Variants in TMEM209 observed in about 807,000 individuals in gnomAD.
The protein encoded by TMEM209 is testicular tissue protein Li 202.
In TMEM209, 65 loss-of-function variants were observed where a neutral mutation model predicts 76.2. That is an observed-to-expected ratio of 0.85 (90% CI 0.70 to 1.05). The LOEUF is 1.05. TMEM209 is among the 50% of genes least tolerant of loss of function. TMEM209 has a pLI of 0.00. For missense variants in TMEM209, 623 were observed against 685.5 expected (o/e 0.91, Z 1.02); for synonymous variants, 239 against 237.6 (o/e 1.01, Z -0.06).
intron 11 of TMEM209, among the ~76,000 whole-genome samples, chr7:130,174,188 G>A (rs1309797689): frequency 6.6e-6 from 1 of 152,102 alleles, no homozygotes; most frequent in African/African-American, 2.4e-5. Flanking sequence ...ACAAAGATAA[G>A]GAATTCACTA....
intron 6 of TMEM209, among the ~76,000 whole-genome samples, chr7:130,186,562 A>G (rs542439609): frequency 5.3e-4 from 80 of 152,380 alleles, no homozygotes; most frequent in African/African-American, 1.7e-3. Context: ...AACAGAGCAT[A>G]AAGTTATCCT....
chr7:130,181,849 AAG>A (rs1347099447), intron 8 of TMEM209, 130 bp from the exon 9 acceptor site: 1 of 669,558 alleles, frequency 1.5e-6, no homozygotes, highest in Non-Finnish European at 2.5e-6. Flanking sequence ...AAGAATCATA[AAG>A]TATAGTGAAA....
chr7:130,167,126 C>A (rs1245060852), intron 14 of TMEM209, among the ~76,000 whole-genome samples: 1 of 152,032 alleles, frequency 6.6e-6, no homozygotes, highest in Non-Finnish European at 1.5e-5. Context: ...GAGCTGTATA[C>A]CTCTATTATT....
At chr7:130,186,781 T>TCACCAC (rs891761630) in intron 6 of TMEM209, among the ~76,000 whole-genome samples, 1 of 151,458 alleles carries the variant, frequency 6.6e-6, no homozygotes, top group Non-Finnish European at 1.5e-5. Context: ...AACACCACCA[T>TCACCAC]CACCACCACC....
rs751509545 is a variant in TMEM209 at position 130,204,126 on chromosome 7, A to ATTCCTGGTAAT, written c.4-17_4-16insATTACCAGGAA. 1.0e-5 allele frequency: 16 copies of ATTCCTGGTAAT among 1,595,968 alleles called. No individual in the cohort carries two copies. The South Asian group carries it at 1.6e-4, about 16-fold the overall frequency. On this transcript the variant is annotated splice_polypyrimidine_tract_variant and intron_variant, in intron 1 of 14. Coordinates refer to ENST00000397622, the MANE Select transcript of TMEM209 (RefSeq NM_032842.4). ...CCCCCTGCATCTATGAAAAAACAAA[A>ATTCCTGGTAAT]AGCACAGGAATTAACCAGAAGAAAC... is the stretch of plus-strand genomic sequence containing the variant.
rs1194955415 is a variant in TMEM209, at chr7:130,185,314, G to C, written c.829C>G (p.Arg277Gly). 1 of 1,613,834 alleles carries C rather than the reference G, an allele frequency of 6.2e-7. No individual in the cohort carries two copies. The highest frequency in any genetic ancestry group is 8.5e-7 in the Non-Finnish European group (1 of 1,179,872). Residue 277 changes from arginine to glycine, a missense_variant, in exon 7 of 15, where the codon CGT becomes GGT. Physicochemically the swap from Arg to Gly is moderately radical, Grantham distance 125. Transcript: ENST00000397622. ...SSSPTFWNYSRSMGDYAQTLK... is the reference protein window; with the variant it reads ...SSSPTFWNYSGSMGDYAQTLK... ...GTTTGTGCATAATCCCCCATAGAACGACTATAGTTCCAGAAAGTAGGACTG... is the reference window on the plus strand; with the variant it reads ...GTTTGTGCATAATCCCCCATAGAACCACTATAGTTCCAGAAAGTAGGACTG...
intron 8 of TMEM209, among the ~76,000 whole-genome samples, chr7:130,182,600 T>C (rs7788429): frequency 0.011 from 1,691 of 152,312 alleles, 40 homozygotes; most frequent in African/African-American, 0.039. Context: ...CCATGGCTAA[T>C]ATAAAACTAA....
At chr7:130,189,903 G>A (rs776789519) in intron 6 of TMEM209, among the ~76,000 whole-genome samples, 5 of 152,128 alleles carry the variant, frequency 3.3e-5, no homozygotes, top group Non-Finnish European at 7.3e-5. Flanking sequence ...TCCATTAAAA[G>A]GAATCAGGGC....
rs367746679 is a variant in TMEM209, at chr7:130,192,791, C to T, written c.606G>A (p.Pro202=). ...CCACTGGTCCAACAGTGGTAGGGTA[C>T]GGAGAAGGAGGAGAGGGGCTAAAGC... ...LASFSPSPPS[P]YPTTVGPVES... is the part of the protein sequence containing the mutation. Residue 202 remains proline, a synonymous_variant, in exon 6 of 15, where the codon CCG becomes CCA. Coordinates refer to ENST00000397622, the MANE Select transcript of TMEM209 (RefSeq NM_032842.4). 5 of 1,613,672 alleles carry T rather than the reference C, an allele frequency of 3.1e-6. No individual in the cohort carries two copies. Among genetic ancestry groups the T allele is most frequent in the Admixed American group, 1.7e-5 (1 of 59,982 alleles).
Position 130,205,389 on chromosome 7 carries a change from A to G in TMEM209, c.-14T>C. On this transcript the variant is annotated 5_prime_UTR_variant, in exon 1 of 15. Transcript: ENST00000397622. Reference sequence around the variant, plus strand: ...AAAACGCACCATGTCCTCTGGCCGGAAAACGCAGGCTCGCGCCACTCTCTC... The same window carrying G: ...AAAACGCACCATGTCCTCTGGCCGGGAAACGCAGGCTCGCGCCACTCTCTC... 1.2e-6 allele frequency: 2 copies of G among 1,613,918 alleles called. No homozygotes were observed. Among genetic ancestry groups the G allele is most frequent in the Non-Finnish European group, 1.7e-6 (2 of 1,179,900 alleles).
At chr7:130,172,615 A>G (rs896486110) in intron 13 of TMEM209, among the ~76,000 whole-genome samples, 13 of 152,186 alleles carry the variant, frequency 8.5e-5, no homozygotes, top group Non-Finnish European at 1.9e-4. Flanking sequence ...AGTAGTATTT[A>G]TAATAAAAAA....
intron 3 of TMEM209, 67 bp from the exon 4 acceptor site, chr7:130,202,730 C>T (rs1293257751): frequency 6.7e-7 from 1 of 1,503,452 alleles, no homozygotes. Flanking sequence ...ACACAAAAAC[C>T]CTCTATACTT....
chr7:130,194,702 A>T (rs1010535317), intron 5 of TMEM209, among the ~76,000 whole-genome samples: 2 of 152,206 alleles, frequency 1.3e-5, no homozygotes, highest in Non-Finnish European at 2.9e-5. Context: ...GATATACAAG[A>T]ATTTTAAAAA....
chr7:130,176,687 A>G (rs1418268397), intron 10 of TMEM209, among the ~76,000 whole-genome samples: 1 of 152,186 alleles, frequency 6.6e-6, no homozygotes, highest in Non-Finnish European at 1.5e-5. Context: ...AATAAATTGC[A>G]AAGGAAAAAA....
intron 6 of TMEM209, among the ~76,000 whole-genome samples, chr7:130,188,769 C>T (rs911893435): frequency 3.9e-5 from 6 of 152,052 alleles, no homozygotes; most frequent in Admixed American, 2.0e-4. Context: ...CCAAGTGATC[C>T]TATTTTATTA....
chr7:130,182,460 A>G (rs970784354), intron 8 of TMEM209, among the ~76,000 whole-genome samples: 6 of 152,236 alleles, frequency 3.9e-5, no homozygotes, highest in East Asian at 1.9e-4. Context: ...TCAAACTAAC[A>G]TAACTGCCTA....
rs959724092 is a variant in TMEM209, at chr7:130,204,088, C to A, written c.26G>T (p.Ser9Ile). 1.9e-6 allele frequency: 3 copies of A among 1,612,002 alleles called. No homozygotes were observed. Among genetic ancestry groups the A allele is most frequent in the Non-Finnish European group, 1.7e-6 (2 of 1,179,090 alleles). Residue 9 changes from serine (S) to isoleucine (I), a missense_variant, in exon 2 of 15, where the codon AGT becomes ATT. By Grantham distance (142) the Ser-to-Ile change is moderately radical. Transcript: ENST00000397622. Reference sequence around the variant, plus strand: ...GATGGTTCTGTCAATAAGGGAAGCACTAGGGTGTGCCTCCCCCTGCATCTA... The same window carrying A: ...GATGGTTCTGTCAATAAGGGAAGCAATAGGGTGTGCCTCCCCCTGCATCTA... MMQGEAHP[S>I]ASLIDRTIKM...
intron 4 of TMEM209, 110 bp from the exon 5 acceptor site, chr7:130,202,201 T>G: frequency 7.5e-7 from 1 of 1,336,312 alleles, no homozygotes; most frequent in Non-Finnish European, 1.0e-6. Flanking sequence ...TTAACAGAGT[T>G]ACTTGGTTGT....
intron 13 of TMEM209, among the ~76,000 whole-genome samples, chr7:130,173,390 C>T (rs1422426069): frequency 6.6e-6 from 1 of 152,028 alleles, no homozygotes; most frequent in African/African-American, 2.4e-5. Flanking sequence ...GGCAATATAC[C>T]AATCAAAAAA....
Sources: gnomAD v4.1 joint callset for allele counts (sites outside exome capture counted in the v4.1 genomes callset) on GRCh38, gnomAD v4.1.1 for gene constraint, MANE v1.5 for transcripts, NCBI Gene and HGNC (gene_info 2026-07-23, HGNC 2026-07-21) for gene names.